The following SLC16A12 variants were observed in gnomAD, a reference collection of about 807,000 sequenced individuals.
SLC16A12 encodes monocarboxylate transporter 12.
Under a neutral mutation model 42.4 loss-of-function variants are expected in SLC16A12, and 17 were observed. That is an observed-to-expected ratio of 0.40 (90% confidence interval 0.27 to 0.60). The LOEUF (loss-of-function observed/expected upper bound fraction) is 0.60, where lower values mean the gene tolerates loss of function less well. Ranked by LOEUF, SLC16A12 falls within the 20% of genes least tolerant of loss-of-function variation. SLC16A12 has a pLI of 0.42. For synonymous variants in SLC16A12, 224 were observed against 229.4 expected (o/e 0.98, Z 0.21); for missense variants, 544 against 623.0 (o/e 0.87, Z 1.35).
intron 2 of SLC16A12, among the ~76,000 whole-genome samples, chr10:89,513,714 A>T (rs1471926197): frequency 6.6e-6 from 1 of 152,204 alleles, no homozygotes; most frequent in African/African-American, 2.4e-5. Context: ...GAAATCAGAG[A>T]CCAGTAGAAC....
At chr10:89,438,255 A>G (rs948548958) in intron 6 of SLC16A12, among the ~76,000 whole-genome samples, 1 of 152,256 alleles carries the variant, frequency 6.6e-6, no homozygotes, top group Non-Finnish European at 1.5e-5. Flanking sequence ...TTTGTGACAC[A>G]TGAAAATTAT....
chr10:89,543,129 G>C (rs1336009137), intron 2 of SLC16A12, among the ~76,000 whole-genome samples: 1 of 152,238 alleles, frequency 6.6e-6, no homozygotes, highest in Non-Finnish European at 1.5e-5. Flanking sequence ...TTAATGGTTA[G>C]AGAGAAGGAT....
chr10:89,443,912 G>C, intron 3 of SLC16A12, 53 bp from the exon 4 acceptor site: 3 of 1,149,308 alleles, frequency 2.6e-6, no homozygotes, highest in Middle Eastern at 1.9e-4. Context: ...GCATGCATTT[G>C]AGCCAGAACT....
In SLC16A12 at chr10:89,526,348, C is replaced by G. The variant is rs558670200; in HGVS notation, c.-47+8153G>C. 3.5e-4 allele frequency among the ~76,000 whole-genome samples: 53 copies of G among 152,346 alleles called. 2 individuals are homozygous for G. Among genetic ancestry groups the G allele is most frequent in the African/African-American group, 1.3e-3 (52 of 41,590 alleles). On this transcript the variant is annotated intron_variant, in intron 2 of 7. Transcript: ENST00000371790. ...CATCTCACCCCTCTCTAGAAACACT[C>G]TCCTGGGGAGACATATAACTTGAAC...
intron 2 of SLC16A12, among the ~76,000 whole-genome samples, chr10:89,525,220 C>CAA (rs869295721): frequency 1.3e-3 from 87 of 64,622 alleles, no homozygotes; most frequent in Non-Finnish European, 1.6e-3. Flanking sequence ...GACACCATAT[C>CAA]AAAAAAAAAA....
At chr10:89,539,971 TTCTC>T (rs573661786), upstream of SLC16A12, among the ~76,000 whole-genome samples, 27 of 150,976 alleles carry the variant, frequency 1.8e-4, no homozygotes, top group Non-Finnish European at 2.8e-4. Context: ...CTTTCTTTCT[TTCTC>T]TCTTTCTTTC....
chr10:89,441,223 A>G lies in SLC16A12; in HGVS notation c.333T>C (p.His111=), dbSNP rs755321244. 23 of 1,613,962 alleles carry G rather than the reference A, an allele frequency of 1.4e-5. No individual in the cohort carries two copies. The highest frequency in any genetic ancestry group is 1.9e-5 in the Non-Finnish European group (22 of 1,179,978). The change falls in exon 5 of 8, where the codon CAT becomes CAC. Residue 111 remains histidine (H), a synonymous_variant. Transcript: ENST00000371790. ...GCATGATTCCCACTTGACAGGATAAATGGTTACTGACAACACTCCCAAGTG... is the reference window on the plus strand; with the variant it reads ...GCATGATTCCCACTTGACAGGATAAGTGGTTACTGACAACACTCCCAAGTG... ...CAPLGSVVSN[H]LSCQVGIMLG...
chr10:89,441,319 G>A, intron 4 of SLC16A12, 68 bp from the exon 5 acceptor site: 4 of 1,595,172 alleles, frequency 2.5e-6, no homozygotes, highest in Non-Finnish European at 2.6e-6. Flanking sequence ...CTGTGATGTG[G>A]CATTGACAGA....
intron 2 of SLC16A12, among the ~76,000 whole-genome samples, chr10:89,512,032 T>C (rs750226919): frequency 4.6e-5 from 7 of 152,230 alleles, no homozygotes; most frequent in Non-Finnish European, 7.3e-5. Flanking sequence ...GACATTATGC[T>C]AAGTGAAAAA....
chr10:89,523,629 TTG>T (rs1222594352), intron 2 of SLC16A12, among the ~76,000 whole-genome samples: 4 of 150,938 alleles, frequency 2.7e-5, no homozygotes, highest in East Asian at 2.0e-4. Flanking sequence ...TCATTATATG[TTG>T]TGTCATCATT....
rs1589654186 is a variant in SLC16A12, at chr10:89,432,308, C to T, written c.*756G>A. ...TGGTAACAAATGTGAGAGCCTGGAA[C>T]CCAGTCTTAGGAAAAGAGCTTTCGG... On this transcript the variant is annotated 3_prime_UTR_variant, in exon 8 of 8. Transcript: ENST00000371790. 6.6e-6 allele frequency: 1 copy of T among 152,136 alleles called. No individual in the cohort carries two copies. The highest frequency in any genetic ancestry group is 1.9e-4 in the East Asian group (1 of 5,190). 9.4% of individuals were successfully genotyped at this position (152,136 alleles called of 1,614,324 possible).
At chr10:89,538,400 T>G (rs2133881677), upstream of SLC16A12, among the ~76,000 whole-genome samples, 1 of 152,350 alleles carries the variant, frequency 6.6e-6, no homozygotes, top group African/African-American at 2.4e-5. Flanking sequence ...TTGTGTGTGT[T>G]TTGCTTTTTT....
At chr10:89,451,996 A>G (rs1281497899) in intron 3 of SLC16A12, among the ~76,000 whole-genome samples, 6 of 152,180 alleles carry the variant, frequency 3.9e-5, no homozygotes, top group Admixed American at 3.9e-4. Context: ...TTGAACCAAA[A>G]CCTGCTTCAA....
chr10:89,502,193 A>T (rs956228819), intron 2 of SLC16A12, among the ~76,000 whole-genome samples: 3 of 152,090 alleles, frequency 2.0e-5, no homozygotes, highest in Non-Finnish European at 1.5e-5. Context: ...GCTCACACCT[A>T]TAATCCCAGC....
intron 2 of SLC16A12, among the ~76,000 whole-genome samples, chr10:89,476,372 T>C (rs1434145498): frequency 6.6e-6 from 1 of 152,208 alleles, no homozygotes; most frequent in East Asian, 1.9e-4. Flanking sequence ...ATGAGTCCAT[T>C]ATTTCAGTCA....
intron 2 of SLC16A12, among the ~76,000 whole-genome samples, chr10:89,509,815 A>G (rs1392750334): frequency 6.6e-6 from 1 of 152,236 alleles, no homozygotes; most frequent in Non-Finnish European, 1.5e-5. Flanking sequence ...CCATTTGCAG[A>G]TGACATAATT....
At chr10:89,486,672 GAAAGAAAGA>G (rs557462970) in intron 2 of SLC16A12, among the ~76,000 whole-genome samples, 5 of 91,866 alleles carry the variant, frequency 5.4e-5, no homozygotes, top group Admixed American at 2.0e-4. Flanking sequence ...AGAAAAGAAA[GAAAGAAAGA>G]AAAGAAAGAA....
intron 2 of SLC16A12, among the ~76,000 whole-genome samples, chr10:89,470,116 G>A (rs1842470072): frequency 6.6e-6 from 1 of 152,160 alleles, no homozygotes; most frequent in South Asian, 2.1e-4. Context: ...GCCTATTGCT[G>A]TAGGGAATGA....
intron 2 of SLC16A12, among the ~76,000 whole-genome samples, chr10:89,529,987 T>G (rs1323121007): frequency 6.6e-6 from 1 of 152,210 alleles, no homozygotes; most frequent in East Asian, 1.9e-4. Context: ...CTCTCAGCAG[T>G]AAAGTAATCA....
Sources: gnomAD v4.1 joint callset for allele counts (sites outside exome capture counted in the v4.1 genomes callset) on GRCh38, gnomAD v4.1.1 for gene constraint, MANE v1.5 for transcripts, NCBI Gene and HGNC (gene_info 2026-07-23, HGNC 2026-07-21) for gene names.